Variants in GUCY1A2 observed in about 807,000 individuals in gnomAD.
The protein encoded by GUCY1A2 is guanylate cyclase soluble subunit alpha-2.
In GUCY1A2, 27 loss-of-function variants were observed where a neutral mutation model predicts 63.5. The ratio of observed to expected loss-of-function variants is 0.43; its 90% CI spans 0.31 to 0.59. GUCY1A2 has a LOEUF of 0.59. GUCY1A2 is among the 20% of genes least tolerant of loss of function. The probability of loss-of-function intolerance (pLI) is 0.11; values close to 1 mark genes in which losing one functional copy is unlikely to be tolerated. For synonymous variants in GUCY1A2, 364 were observed against 343.5 expected (o/e 1.06, Z -0.66); for missense variants, 768 against 913.3 (o/e 0.84, Z 2.05).
Position 107,018,097 on chromosome 11 carries a change from G to A in GUCY1A2, c.-42C>T. On this transcript the variant is annotated 5_prime_UTR_variant, in exon 1 of 8. Coordinates refer to ENST00000526355, the MANE Select transcript of GUCY1A2 (RefSeq NM_000855.3). ...CAGCGGCCGAGGCGGTGGCGGCGAGGACGCGAGCGGCGGCGGAGGCGGCGG... is the reference window on the plus strand; with the variant it reads ...CAGCGGCCGAGGCGGTGGCGGCGAGAACGCGAGCGGCGGCGGAGGCGGCGG... 7.5e-7 allele frequency: 1 copy of A among 1,333,274 alleles called. No individual in the cohort carries two copies. Among genetic ancestry groups the A allele is most frequent in the Non-Finnish European group, 9.9e-7 (1 of 1,014,756 alleles). 82.6% of individuals were successfully genotyped at this position (1,333,274 alleles called of 1,614,324 possible). A position where few individuals can be genotyped will look rare whatever the true frequency, so the allele number is the denominator to read the frequency against.
In GUCY1A2 at chr11:106,957,855, C is replaced by CTT. The variant is rs59519013; in HGVS notation, c.488-17679_488-17678dup. ...AGTCCAGTCTGAGCAAAGGGACAAA[C>CTT]TTTTTTTTTTTTTTTTTTTTTTTTT... On this transcript the variant is annotated intron_variant, in intron 3 of 7. Coordinates refer to ENST00000526355, the MANE Select transcript of GUCY1A2 (RefSeq NM_000855.3). Among the ~76,000 whole-genome samples, 94 of 87,250 alleles carry CTT rather than the reference C, an allele frequency of 1.1e-3. 1 individual carries two copies. The highest frequency in any genetic ancestry group is 2.2e-3 in the African/African-American group (48 of 21,394). The allele number at this position is 87,250 out of a possible 152,430, so 57.2% of individuals were successfully genotyped here.
intron 3 of GUCY1A2, among the ~76,000 whole-genome samples, chr11:106,946,799 C>T (rs1226104043): frequency 6.6e-6 from 1 of 152,000 alleles, no homozygotes; most frequent in Non-Finnish European, 1.5e-5. Flanking sequence ...GTGATGGTTG[C>T]AAAACTTTGT....
chr11:106,903,536 G>A (rs1860162801), intron 4 of GUCY1A2, among the ~76,000 whole-genome samples: 1 of 152,154 alleles, frequency 6.6e-6, no homozygotes, highest in Non-Finnish European at 1.5e-5. Flanking sequence ...TCAGGCCCTG[G>A]TTGAATCTGT....
intron 4 of GUCY1A2, among the ~76,000 whole-genome samples, chr11:106,893,888 A>G (rs1410326043): frequency 6.6e-6 from 1 of 152,168 alleles, no homozygotes; most frequent in African/African-American, 2.4e-5. Flanking sequence ...GAGACTGCAC[A>G]CTTTTGTGAT....
intron 4 of GUCY1A2, among the ~76,000 whole-genome samples, chr11:106,828,630 G>C (rs1282106838): frequency 6.6e-6 from 1 of 152,124 alleles, no homozygotes; most frequent in Non-Finnish European, 1.5e-5. Flanking sequence ...CCACTCAATG[G>C]TATAAATGAA....
At chr11:106,979,473 A>AAG (rs1555056879) in intron 2 of GUCY1A2, among the ~76,000 whole-genome samples, 242 of 150,108 alleles carry the variant, frequency 1.6e-3, no homozygotes, top group African/African-American at 5.8e-3. Context: ...AAAAAAAAAA[A>AAG]AAGAAGAAGA....
At chr11:106,832,962 G>A (rs1193678474) in intron 4 of GUCY1A2, among the ~76,000 whole-genome samples, 1 of 152,038 alleles carries the variant, frequency 6.6e-6, no homozygotes, top group African/African-American at 2.4e-5. Flanking sequence ...GAAGTATCAC[G>A]AATTGAGTGG....
Position 106,953,808 on chromosome 11 carries a change from G to A in GUCY1A2, c.488-13630C>T, listed in dbSNP as rs554210180. On this transcript the variant is annotated intron_variant, in intron 3 of 7. Coordinates refer to ENST00000526355, the MANE Select transcript of GUCY1A2 (RefSeq NM_000855.3). ...CTTCTAGATTTTCTAGTTTATTTGC[G>A]TAAAGGTGTTTATAGTATTCTCTGA... Among the ~76,000 whole-genome samples, 208 of 152,150 alleles carry A rather than the reference G, an allele frequency of 1.4e-3. 1 individual carries two copies. The highest frequency in any genetic ancestry group is 4.7e-3 in the African/African-American group (195 of 41,538).
chr11:106,845,623 C>T (rs1859260161), intron 4 of GUCY1A2, among the ~76,000 whole-genome samples: 1 of 151,322 alleles, frequency 6.6e-6, no homozygotes, highest in Non-Finnish European at 1.5e-5. Flanking sequence ...TAAAAGAGAT[C>T]TCACTGTATC....
At position 106,974,322 on chromosome 11, in the gene GUCY1A2, T is replaced by C. The variant is rs549757009; in HGVS notation, c.487+4297A>G. Among the ~76,000 whole-genome samples, 15 of 152,226 alleles carry C rather than the reference T, an allele frequency of 9.9e-5. No homozygotes were observed. The South Asian group carries it at 1.2e-3, about 13-fold the overall frequency. ...TAGTTCTCCAAGATAACAAATATGT[T>C]AAACATATTCTTATCTACTAAACAA... On this transcript the variant is annotated intron_variant, in intron 3 of 7. Coordinates refer to ENST00000526355, the MANE Select transcript of GUCY1A2 (RefSeq NM_000855.3).
In GUCY1A2 at chr11:107,017,927, G is replaced by A. The variant is rs1173615856; in HGVS notation, c.129C>T (p.Pro43=). ...CGGCCGGGCTGGGCTCCAGCGGCCC[G>A]GGCGGGCTCCGGCTGCCATTCCAGC... ...RLCWNGSRSP[P]GPLEPSPAAA... The change falls in exon 1 of 8, where the codon CCC becomes CCT. Residue 43 remains proline, a synonymous_variant. Transcript: ENST00000526355. 14 of 1,320,314 alleles carry A rather than the reference G, an allele frequency of 1.1e-5. No individual in the cohort carries two copies. The highest frequency in any genetic ancestry group is 6.2e-5 in the East Asian group (2 of 32,074). The allele number at this position is 1,320,314 out of a possible 1,614,324, so 81.8% of individuals were successfully genotyped here.
chr11:106,710,866 C>T (rs549049319), intron 6 of GUCY1A2, among the ~76,000 whole-genome samples: 4 of 152,082 alleles, frequency 2.6e-5, no homozygotes, highest in Admixed American at 1.3e-4. Flanking sequence ...AATATCACCC[C>T]TTCACCACCA....
intron 6 of GUCY1A2, among the ~76,000 whole-genome samples, chr11:106,732,601 T>A (rs1056399288): frequency 1.3e-5 from 2 of 152,112 alleles, no homozygotes; most frequent in Non-Finnish European, 2.9e-5. Context: ...ATGAAGCATA[T>A]CCTTGAAATA....
In GUCY1A2 at chr11:106,980,618, T is replaced by A. The variant is rs187993681; in HGVS notation, c.366-1878A>T. Among the ~76,000 whole-genome samples, 68 of 152,220 alleles carry A rather than the reference T, an allele frequency of 4.5e-4. No individual in the cohort carries two copies. In the South Asian group the frequency reaches 4.6e-3, roughly 10 times the overall value. ...GTCAGACTAGATATGAGAGTAAAAATTTAAATTGGTCTAGAGTGAACTTCA... is the reference window on the plus strand; with the variant it reads ...GTCAGACTAGATATGAGAGTAAAAAATTAAATTGGTCTAGAGTGAACTTCA... On this transcript the variant is annotated intron_variant, in intron 2 of 7. Transcript: ENST00000526355.
At chr11:106,774,001 A>ACACCAAAAATTGATTTATATAAAGATT (rs1864305928) in intron 6 of GUCY1A2, among the ~76,000 whole-genome samples, 1 of 152,190 alleles carries the variant, frequency 6.6e-6, no homozygotes, top group African/African-American at 2.4e-5. Context: ...TTTACCTCCC[A>ACACCAAAAATTGATTTATATAAAGATT]CACCAAAAAT....
chr11:106,851,449 C>T (rs894062787), intron 4 of GUCY1A2, among the ~76,000 whole-genome samples: 2 of 151,836 alleles, frequency 1.3e-5, no homozygotes, highest in African/African-American at 4.8e-5. Flanking sequence ...TGAAGTGTTT[C>T]CCTATGCTTT....
intron 7 of GUCY1A2, 133 bp from the exon 8 acceptor site, chr11:106,687,889 G>A (rs1862557125): frequency 1.6e-6 from 1 of 621,182 alleles, no homozygotes; most frequent in Non-Finnish European, 2.9e-6. Context: ...GTATAGATGT[G>A]GCCTTCATCA....
At chr11:106,920,339 T>C (rs1039440476) in intron 4 of GUCY1A2, among the ~76,000 whole-genome samples, 2 of 152,162 alleles carry the variant, frequency 1.3e-5, no homozygotes, top group Admixed American at 6.6e-5. Context: ...ATTACGTTAT[T>C]TATGCTTCAT....
chr11:106,847,732 G>T (rs1859295583), intron 4 of GUCY1A2, among the ~76,000 whole-genome samples: 1 of 151,656 alleles, frequency 6.6e-6, no homozygotes, highest in African/African-American at 2.4e-5. Flanking sequence ...TAAATCCATT[G>T]TATTTCCTTC....
Sources: gnomAD v4.1 joint callset for allele counts (sites outside exome capture counted in the v4.1 genomes callset) on GRCh38, gnomAD v4.1.1 for gene constraint, MANE v1.5 for transcripts, NCBI Gene and HGNC (gene_info 2026-07-23, HGNC 2026-07-21) for gene names.